Variants in ADAMTS7 observed in about 807,000 individuals in gnomAD.
ADAMTS7 encodes A disintegrin and metalloproteinase with thrombospondin motifs 7.
A neutral mutation model predicts 172.6 loss-of-function variants in ADAMTS7; 89 were observed. The ratio of observed to expected loss-of-function variants is 0.52; its 90% CI spans 0.43 to 0.61. The LOEUF is 0.61. Ranked by LOEUF, ADAMTS7 falls within the 20% of genes least tolerant of loss-of-function variation. ADAMTS7 has a pLI of 0.00. For missense variants in ADAMTS7, 1,973 were observed against 2,355.6 expected, an observed-to-expected ratio of 0.84 and a Z score of 3.36; for synonymous variants, 885 against 978.4, an observed-to-expected ratio of 0.90 and a Z score of 1.78.
At position 78,769,320 on chromosome 15, in the gene ADAMTS7, G is replaced by A. The variant is rs187716438; in HGVS notation, c.2519-1061C>T. ...CTCTGCCTTCTCTGCTCCACCCCCT[G>A]CCCCGTGGTCCCGAGAGTAAGTTGT... On this transcript the variant is annotated intron_variant, in intron 16 of 23. Coordinates refer to ENST00000388820, the MANE Select transcript of ADAMTS7 (RefSeq NM_014272.5). Among the ~76,000 whole-genome samples, 9 of 152,198 alleles carry A rather than the reference G, an allele frequency of 5.9e-5. No homozygotes were observed. In the East Asian group the frequency reaches 1.5e-3, roughly 26 times the overall value.
At chr15:78,761,377 C>T (rs1299351425) in intron 23 of ADAMTS7, among the ~76,000 whole-genome samples, 1 of 152,230 alleles carries the variant, frequency 6.6e-6, no homozygotes, top group Non-Finnish European at 1.5e-5. Flanking sequence ...GGGGACACAG[C>T]TCTTCACGCC....
At chr15:78,763,609 G>T in intron 22 of ADAMTS7, 90 bp downstream of exon 22, 1 of 1,439,342 alleles carries the variant, frequency 6.9e-7, no homozygotes, top group Non-Finnish European at 9.1e-7. Context: ...CTGGCTCACA[G>T]CACACACTCC....
chr15:78,790,972 G>A (rs150597124), intron 5 of ADAMTS7, among the ~76,000 whole-genome samples, 168 bp downstream of exon 5: 305 of 152,312 alleles, frequency 2.0e-3, no homozygotes, highest in African/African-American at 7.0e-3. Flanking sequence ...CAGAGGACCT[G>A]GGACCTGAGA....
chr15:78,774,548 G>C, intron 12 of ADAMTS7, 76 bp downstream of exon 12: 1 of 1,599,404 alleles, frequency 6.3e-7, no homozygotes, highest in Non-Finnish European at 8.5e-7. Context: ...CCTCCTGCTC[G>C]CATCACAGGG....
Position 78,774,697 on chromosome 15 carries a change from G to A in ADAMTS7, c.1803C>T (p.His601=), listed in dbSNP as rs543818223. ...TAGCGTCAAAGTGGCTGCACTGGAC[G>A]TGGCGGAAGGAGGGGCGGCCAGCAG... ...ACPAGRPSFR[H]VQCSHFDAML... is the part of the protein sequence containing the mutation. The change falls in exon 12 of 24, where the codon CAC becomes CAT. Residue 601 remains histidine, a synonymous_variant. Coordinates refer to ENST00000388820, the MANE Select transcript of ADAMTS7 (RefSeq NM_014272.5). 60 of 1,611,694 alleles carry A rather than the reference G, an allele frequency of 3.7e-5. No homozygotes were observed. In the South Asian group the frequency reaches 4.3e-4, roughly 12 times the overall value.
intron 1 of ADAMTS7, among the ~76,000 whole-genome samples, chr15:78,800,925 G>C (rs2055716338): frequency 6.6e-6 from 1 of 152,116 alleles, no homozygotes; most frequent in Non-Finnish European, 1.5e-5. Context: ...ATTTTTAGCA[G>C]ACACAGGATT....
At chr15:78,764,147 C>T (rs558596712) in intron 20 of ADAMTS7, 48 bp from the exon 21 acceptor site, 9 of 1,465,498 alleles carry the variant, frequency 6.1e-6, no homozygotes, top group Non-Finnish European at 8.2e-6. Context: ...TGCAGGCCCA[C>T]AGGCGTGACC....
chr15:78,767,651 C>G (rs2055179000), intron 17 of ADAMTS7, 59 bp from the exon 18 acceptor site: 1 of 1,459,690 alleles, frequency 6.9e-7, no homozygotes. Flanking sequence ...TGCAGGCTCA[C>G]CAGCAGGGGG....
Position 78,797,983 on chromosome 15 carries a change from C to G in ADAMTS7, c.587G>C (p.Gly196Ala). 1 of 1,595,192 alleles carries G rather than the reference C, an allele frequency of 6.3e-7. No individual in the cohort carries two copies. Among genetic ancestry groups the G allele is most frequent in the Non-Finnish European group, 8.5e-7 (1 of 1,172,616 alleles). The part of the protein sequence containing the change: ...RQAPERLAQR[G>A]DSSAPSTCGV... ...ACAGGTGCTTGGAGCACTGGAATCA[C>G]CCCGCTGTGCCAGCCTCTCCGGGGC... Residue 196 changes from glycine to alanine, a missense_variant, in exon 3 of 24, where the codon GGT becomes GCT. This residue lies in a region of ADAMTS7 where 306 missense variants were observed against 288.0 expected (regional missense o/e 1.06). Coordinates refer to ENST00000388820, the MANE Select transcript of ADAMTS7 (RefSeq NM_014272.5).
Position 78,767,592 on chromosome 15 carries a change from C to G in ADAMTS7, c.2646G>C (p.Arg882Ser), listed in dbSNP as rs1387099103. ...ACAGCTGCCACTCACCTGCCCACCA[C>G]CTGGCGAGGGCACACAGGTGGCATC... ...RKCSEQPCPA[R>S]WWAGEWQLCS... The change falls in exon 18 of 24, where the codon AGG (arginine) becomes AGC (serine). Residue 882 changes from arginine (R) to serine (S), a missense_variant and splice_region_variant. Arg to Ser is a moderately radical substitution (Grantham distance 110). Coordinates refer to ENST00000388820, the MANE Select transcript of ADAMTS7 (RefSeq NM_014272.5). 6.5e-7 allele frequency: 1 copy of G among 1,538,590 alleles called. No individual in the cohort carries two copies. Among genetic ancestry groups the G allele is most frequent in the South Asian group, 1.2e-5 (1 of 82,814 alleles).
chr15:78,762,278 C>T (rs2055057322), intron 23 of ADAMTS7, 125 bp downstream of exon 23: 3 of 1,194,558 alleles, frequency 2.5e-6, no homozygotes, highest in South Asian at 2.7e-5. Flanking sequence ...CCATGTGGCT[C>T]CTGAGCCCAG....
At chr15:78,810,513 T>C (rs914367318) in intron 1 of ADAMTS7, 2 of 152,286 alleles carry the variant, frequency 1.3e-5, no homozygotes, top group African/African-American at 4.8e-5. Context: ...AAGAAGCTCC[T>C]GCTCCCCGCT....
In ADAMTS7 at chr15:78,779,649, G is replaced by A. The variant is rs971378366; in HGVS notation, c.1323-2061C>T. ...CAGAGTATCAGCGGCGGGTGGTGGG[G>A]TCAGCTGGCCCTGGGCTCCCTCCTT... On this transcript the variant is annotated intron_variant, in intron 8 of 23. Coordinates refer to ENST00000388820, the MANE Select transcript of ADAMTS7 (RefSeq NM_014272.5). 1.6e-4 allele frequency among the ~76,000 whole-genome samples: 24 copies of A among 152,186 alleles called. 1 individual carries two copies. Among genetic ancestry groups the A allele is most frequent in the Admixed American group, 1.4e-3 (21 of 15,286 alleles).
At chr15:78,777,842 C>A (rs956678223) in intron 8 of ADAMTS7, among the ~76,000 whole-genome samples, 6 of 152,230 alleles carry the variant, frequency 3.9e-5, no homozygotes, top group Non-Finnish European at 7.3e-5. Flanking sequence ...CAGGCCTCCG[C>A]ACACGCTGCC....
chr15:78,760,387 C>T (rs1047353767), intron 23 of ADAMTS7, among the ~76,000 whole-genome samples: 1 of 152,170 alleles, frequency 6.6e-6, no homozygotes, highest in Non-Finnish European at 1.5e-5. Flanking sequence ...CTCCAGCAGA[C>T]CTCCCTGGGG....
chr15:78,760,096 G>C (rs1480121318), intron 23 of ADAMTS7, among the ~76,000 whole-genome samples: 2 of 148,858 alleles, frequency 1.3e-5, no homozygotes, highest in African/African-American at 4.9e-5. Flanking sequence ...GAGTCACAGG[G>C]TCCCATCTCC....
intron 13 of ADAMTS7, 86 bp downstream of exon 13, chr15:78,774,081 A>G (rs1453268927): frequency 7.1e-6 from 11 of 1,548,720 alleles, no homozygotes; most frequent in Non-Finnish European, 9.5e-6. Context: ...GAGGAGGATC[A>G]GGAGGGACCC....
chr15:78,800,658 T>A, intron 1 of ADAMTS7, 111 bp from the exon 2 acceptor site: 5 of 970,886 alleles, frequency 5.1e-6, no homozygotes, highest in Non-Finnish European at 7.8e-6. Context: ...TCAGAGTATC[T>A]GGATTCAAAT....
chr15:78,765,116 C>T (rs1008609274), intron 19 of ADAMTS7: 1 of 209,992 alleles, frequency 4.8e-6, no homozygotes, highest in African/African-American at 2.3e-5. Context: ...CTGTGGGCCT[C>T]AGCCTGCCCC....
Sources: allele counts gnomAD v4.1 joint callset (sites outside exome capture counted in the v4.1 genomes callset), GRCh38; gene constraint gnomAD v4.1.1; regional missense constraint gnomAD v4.1.1; transcripts MANE v1.5; gene names NCBI Gene and HGNC (gene_info 2026-07-23, HGNC 2026-07-21).